The following PRR14L variants were observed in gnomAD, a reference collection of about 807,000 sequenced individuals.
The protein encoded by PRR14L is proline rich 14 like.
A neutral mutation model predicts 155.0 loss-of-function variants in PRR14L; 80 were observed. That is an observed-to-expected ratio of 0.52 (90% CI 0.43 to 0.62). The LOEUF is 0.62. Among genes scored for constraint, PRR14L ranks in the 20% least tolerant of loss-of-function variants. The pLI is 0.00. For synonymous variants in PRR14L, 883 were observed against 916.0 expected (o/e 0.96, Z 0.65); for missense variants, 2,469 against 2,548.0 (o/e 0.97, Z 0.67).
chr22:31,738,119 T>C (rs766067016), intron 2 of PRR14L, among the ~76,000 whole-genome samples: 9 of 152,156 alleles, frequency 5.9e-5, no homozygotes, highest in Non-Finnish European at 1.3e-4. Flanking sequence ...CATCAAATGC[T>C]GAAATACCAT....
intron 2 of PRR14L, among the ~76,000 whole-genome samples, chr22:31,734,555 C>G (rs1214098069): frequency 6.6e-6 from 1 of 152,160 alleles, no homozygotes; most frequent in Non-Finnish European, 1.5e-5. Context: ...GTCCTGTGAC[C>G]TGAGAGTGAT....
intron 3 of PRR14L, among the ~76,000 whole-genome samples, chr22:31,719,212 G>A (rs533060210): frequency 1.2e-3 from 180 of 151,034 alleles, no homozygotes; most frequent in African/African-American, 4.2e-3. Context: ...AACCAGCCTG[G>A]GCAACACAAG....
At position 31,685,461 on chromosome 22, in the gene PRR14L, AAAAAAC is replaced by A; in HGVS notation, c.*60_*65del. On this transcript the variant is annotated 3_prime_UTR_variant, in exon 9 of 9. Coordinates refer to ENST00000327423, the MANE Select transcript of PRR14L (RefSeq NM_173566.3). ...TTTCCAAGGAGGTCCAAAAAAAAAA[AAAAAAC>A]CCAAAAACAAAACAAAACAAAAAAA... 1.4e-6 allele frequency: 2 copies of A among 1,411,804 alleles called. No homozygotes were observed. The highest frequency in any genetic ancestry group is 2.9e-5 in the African/African-American group (2 of 68,510). 87.5% of individuals were successfully genotyped at this position (1,411,804 alleles called of 1,614,324 possible). A position where few individuals can be genotyped will look rare whatever the true frequency, so the allele number is the denominator to read the frequency against.
intron 3 of PRR14L, among the ~76,000 whole-genome samples, chr22:31,717,771 AT>A (rs1430005506): frequency 2.6e-5 from 4 of 151,928 alleles, no homozygotes; most frequent in African/African-American, 7.3e-5. Flanking sequence ...TTACCTATTT[AT>A]TTTTTTCAGA....
intron 4 of PRR14L, among the ~76,000 whole-genome samples, chr22:31,705,220 C>T (rs576154461): frequency 2.6e-5 from 4 of 152,172 alleles, no homozygotes; most frequent in African/African-American, 9.6e-5. Context: ...AAGACTGCAC[C>T]ACTGCACTTC....
chr22:31,697,784 T>G (rs899525135), intron 7 of PRR14L, among the ~76,000 whole-genome samples: 2 of 152,082 alleles, frequency 1.3e-5, no homozygotes, highest in Admixed American at 6.6e-5. Context: ...GAGGATCACC[T>G]GAGCCCAGGA....
At chr22:31,745,619 G>A (rs2074833377) in intron 1 of PRR14L, among the ~76,000 whole-genome samples, 1 of 151,902 alleles carries the variant, frequency 6.6e-6, no homozygotes, top group Admixed American at 6.6e-5. Context: ...GCTGAGGCGG[G>A]TAGATCACTT....
chr22:31,749,623 G>A (rs1310645838), intron 1 of PRR14L, among the ~76,000 whole-genome samples: 1 of 152,176 alleles, frequency 6.6e-6, no homozygotes, highest in East Asian at 1.9e-4. Flanking sequence ...CTCGAACCCT[G>A]GGAGTGGGTC....
rs1396918719 is a variant in PRR14L at position 31,716,232 on chromosome 22, A to G, written c.1607T>C (p.Phe536Ser). The G allele has an allele frequency of 1.3e-6, 2 of 1,551,580 alleles. No homozygotes were observed. Among genetic ancestry groups the G allele is most frequent in the Non-Finnish European group, 1.7e-6 (2 of 1,146,916 alleles). ...PVEPNILSKSFYTKDCNSLVS... is the reference protein window; with the variant it reads ...PVEPNILSKSSYTKDCNSLVS... ...TAAGGAGTTACAGTCTTTAGTGTAAAAAGATTTACTTAATATATTGGGCTC... is the reference window on the plus strand; with the variant it reads ...TAAGGAGTTACAGTCTTTAGTGTAAGAAGATTTACTTAATATATTGGGCTC... The change falls in exon 4 of 9, where the codon TTT (phenylalanine) becomes TCT (serine). Residue 536 changes from phenylalanine (F) to serine (S), a missense_variant. Physicochemically the swap from Phe to Ser is radical, Grantham distance 155 (BLOSUM62 -2). Around this residue, in one of 2 missense-constraint regions of PRR14L, gnomAD observed 2,363 missense variants for 2,371.6 expected, o/e 1.00. Coordinates refer to ENST00000327423, the MANE Select transcript of PRR14L (RefSeq NM_173566.3).
chr22:31,705,852 T>A (rs2074588042), intron 4 of PRR14L, among the ~76,000 whole-genome samples: 1 of 151,016 alleles, frequency 6.6e-6, no homozygotes, highest in Non-Finnish European at 1.5e-5. Flanking sequence ...ATACAAAAAA[T>A]TAGCTGGGTG....
Position 31,728,624 on chromosome 22 carries a change from AC to A in PRR14L, c.475-3015del, listed in dbSNP as rs1406825275. 1.9e-4 allele frequency among the ~76,000 whole-genome samples: 29 copies of A among 150,202 alleles called. 1 individual carries two copies. The highest frequency in any genetic ancestry group is 3.7e-4 in the Non-Finnish European group (25 of 67,654). ...ACTTCATCTCGAAAAAAAAAAAAAA[AC>A]GTATACTACGCTTTTGTATGTTACA... On this transcript the variant is annotated intron_variant, in intron 2 of 8. Transcript: ENST00000327423.
intron 8 of PRR14L, among the ~76,000 whole-genome samples, chr22:31,686,470 G>A: frequency 6.6e-6 from 1 of 151,662 alleles, no homozygotes; most frequent in East Asian, 1.9e-4. Context: ...ACTCAGGCTG[G>A]AGTGCAGTGG....
chr22:31,693,327 C>T (rs2074520237), intron 7 of PRR14L, among the ~76,000 whole-genome samples: 1 of 152,186 alleles, frequency 6.6e-6, no homozygotes, highest in African/African-American at 2.4e-5. Context: ...GAGCTGAACT[C>T]ATACAGTACG....
chr22:31,718,735 A>T (rs555397295), intron 3 of PRR14L, among the ~76,000 whole-genome samples: 30 of 151,834 alleles, frequency 2.0e-4, no homozygotes, highest in African/African-American at 5.1e-4. Flanking sequence ...TATATATATA[A>T]AAAACAGGAC....
Position 31,701,820 on chromosome 22 carries a change from T to A in PRR14L, c.6001-58A>T. 3 of 1,385,982 alleles carry A rather than the reference T, an allele frequency of 2.2e-6. No individual in the cohort carries two copies. In the South Asian group the frequency reaches 3.6e-5, roughly 17 times the overall value. 85.9% of individuals were successfully genotyped at this position (1,385,982 alleles called of 1,614,324 possible). ...AGCTGTAAGACATTTTATTTATATA[T>A]TTTTTGAGACAAGGTCTCACTCTGT... On this transcript the variant is annotated intron_variant, in intron 6 of 8. Coordinates refer to ENST00000327423, the MANE Select transcript of PRR14L (RefSeq NM_173566.3).
At chr22:31,701,057 G>A (rs1050109123) in intron 7 of PRR14L, among the ~76,000 whole-genome samples, 2 of 150,724 alleles carry the variant, frequency 1.3e-5, no homozygotes, top group Admixed American at 6.6e-5. Context: ...GTGCGATCTC[G>A]GCTCACCACA....
At chr22:31,699,412 T>G (rs1027057901) in intron 7 of PRR14L, among the ~76,000 whole-genome samples, 13 of 152,206 alleles carry the variant, frequency 8.5e-5, no homozygotes, top group Non-Finnish European at 1.6e-4. Context: ...ATCCAAAATC[T>G]GAAATGCTCC....
chr22:31,708,198 C>T (rs1022225624), intron 4 of PRR14L, among the ~76,000 whole-genome samples: 9 of 152,052 alleles, frequency 5.9e-5, no homozygotes, highest in Admixed American at 1.3e-4. Flanking sequence ...GTACTTGTAA[C>T]AGCAATTCAT....
At chr22:31,686,920 A>G (rs1011002592) in intron 8 of PRR14L, among the ~76,000 whole-genome samples, 2 of 152,232 alleles carry the variant, frequency 1.3e-5, no homozygotes, top group African/African-American at 4.8e-5. Flanking sequence ...ATTCAGACCT[A>G]AGTGAAACTC....
Sources: gnomAD v4.1 joint callset for allele counts (sites outside exome capture counted in the v4.1 genomes callset) on GRCh38, gnomAD v4.1.1 for gene constraint, gnomAD v4.1.1 regional missense constraint, MANE v1.5 for transcripts, NCBI Gene and HGNC (gene_info 2026-07-23, HGNC 2026-07-21) for gene names.